The following AGBL1 variants were observed in gnomAD, a reference collection of about 807,000 sequenced individuals.
The protein encoded by AGBL1 is cytosolic carboxypeptidase 4.
In AGBL1, 130 loss-of-function variants were observed where a neutral mutation model predicts 118.9. That is an observed-to-expected ratio of 1.09 (90% CI 0.95 to 1.26). AGBL1 has a LOEUF of 1.26. Ranked by LOEUF, AGBL1 falls within the 50% of genes most tolerant of loss-of-function variation. AGBL1 has a pLI of 0.00. For synonymous variants in AGBL1, 555 were observed against 478.9 expected (o/e 1.16, Z -2.08); for missense variants, 1,584 against 1,298.1 (o/e 1.22, Z -3.38).
intron 18 of AGBL1, among the ~76,000 whole-genome samples, chr15:86,497,070 A>G (rs1642719223): frequency 6.6e-6 from 1 of 151,992 alleles, no homozygotes; most frequent in South Asian, 2.1e-4. Context: ...AGATGAGGAC[A>G]TTAGCAAAGC....
chr15:86,339,073 A>G (rs1279567164), intron 17 of AGBL1, among the ~76,000 whole-genome samples: 1 of 152,150 alleles, frequency 6.6e-6, no homozygotes, highest in Non-Finnish European at 1.5e-5. Flanking sequence ...AATATGGTAG[A>G]TAATACATTG....
intron 21 of AGBL1, among the ~76,000 whole-genome samples, chr15:86,673,712 T>A (rs2085786232): frequency 6.6e-6 from 1 of 152,196 alleles, no homozygotes. Flanking sequence ...TGAATTATAC[T>A]ATAGAGTACA....
At chr15:86,451,671 A>C (rs1342401126) in intron 18 of AGBL1, among the ~76,000 whole-genome samples, 1 of 152,130 alleles carries the variant, frequency 6.6e-6, no homozygotes, top group African/African-American at 2.4e-5. Context: ...AGAGCAGTTC[A>C]TGTCCCCTTT....
chr15:86,834,209 C>T (rs1196897396), intron 22 of AGBL1, among the ~76,000 whole-genome samples: 2 of 152,130 alleles, frequency 1.3e-5, no homozygotes, highest in Non-Finnish European at 2.9e-5. Flanking sequence ...CAAGTGTTTG[C>T]AGCAACCACG....
chr15:86,295,478 T>G (rs1404743128), intron 17 of AGBL1, 70 bp downstream of exon 17: 1 of 1,456,960 alleles, frequency 6.9e-7, no homozygotes, highest in Non-Finnish European at 9.2e-7. Flanking sequence ...GGAAGCATTC[T>G]GTCTCTTTTA....
intron 22 of AGBL1, among the ~76,000 whole-genome samples, chr15:86,749,346 T>G (rs2077810588): frequency 2.0e-5 from 3 of 152,180 alleles, no homozygotes; most frequent in Admixed American, 2.0e-4. Flanking sequence ...CTGGTGAGTT[T>G]TGCACATTGA....
intron 21 of AGBL1, among the ~76,000 whole-genome samples, chr15:86,650,226 C>T (rs996740543): frequency 2.0e-5 from 3 of 152,140 alleles, no homozygotes; most frequent in Non-Finnish European, 4.4e-5. Flanking sequence ...GGTACACGGC[C>T]ACCTGAAATG....
chr15:86,506,227 C>A (rs2082974659), intron 18 of AGBL1, among the ~76,000 whole-genome samples: 1 of 152,012 alleles, frequency 6.6e-6, no homozygotes, highest in African/African-American at 2.4e-5. Flanking sequence ...CTTTTTAGGT[C>A]TTTCCTGAGC....
intron 22 of AGBL1, among the ~76,000 whole-genome samples, chr15:86,816,679 A>C (rs866609866): frequency 1.2e-3 from 190 of 152,254 alleles, no homozygotes; most frequent in African/African-American, 4.5e-3. Flanking sequence ...TAAAAAAAAC[A>C]CAAAAACAAA....
At chr15:86,560,667 G>T (rs554594459) in intron 21 of AGBL1, among the ~76,000 whole-genome samples, 1 of 152,180 alleles carries the variant, frequency 6.6e-6, no homozygotes, top group Non-Finnish European at 1.5e-5. Flanking sequence ...TAATGGGATG[G>T]CTGAGTCAAA....
At chr15:86,131,506 CT>C (rs1555433164) in intron 1 of AGBL1, among the ~76,000 whole-genome samples, 3 of 151,994 alleles carry the variant, frequency 2.0e-5, no homozygotes, top group Non-Finnish European at 4.4e-5. Flanking sequence ...TTTATGTTTG[CT>C]TTTGAGTAAA....
At chr15:86,747,617 T>TTCCC (rs1392305092) in intron 22 of AGBL1, among the ~76,000 whole-genome samples, 3 of 152,044 alleles carry the variant, frequency 2.0e-5, no homozygotes, top group African/African-American at 7.2e-5. Flanking sequence ...TCCTAATGCT[T>TTCCC]TCCCTCCCTC....
At chr15:86,398,265 G>A (rs2081396615) in intron 18 of AGBL1, among the ~76,000 whole-genome samples, 2 of 152,116 alleles carry the variant, frequency 1.3e-5, no homozygotes, top group African/African-American at 4.8e-5. Context: ...GTGAGCTGAG[G>A]CCCAGACATC....
At position 86,613,263 on chromosome 15, in the gene AGBL1, C is replaced by T. The variant is rs190098786; in HGVS notation, c.2994+58726C>T. On this transcript the variant is annotated intron_variant, in intron 21 of 22. Transcript: ENST00000614907. This position sits in a 1 kb window ranked among gnomAD's most constrained non-coding sequence, Gnocchi z 4.2. ...AGCGAGAGGTTTGTTGGTTTTGGAA[C>T]GTAAGATCCCAAACCATTGGAGAAC... Among the ~76,000 whole-genome samples, 20 of 152,230 alleles carry T rather than the reference C, an allele frequency of 1.3e-4. No homozygotes were observed. Among genetic ancestry groups the T allele is most frequent in the African/African-American group, 3.9e-4 (16 of 41,546 alleles).
chr15:86,142,115 G>T, intron 2 of AGBL1, 48 bp downstream of exon 2: 1 of 1,537,178 alleles, frequency 6.5e-7, no homozygotes, highest in East Asian at 2.4e-5. Context: ...TGTGGAGCCT[G>T]CTGGCTGTGA....
At chr15:86,645,577 C>G (rs1596333569) in intron 21 of AGBL1, among the ~76,000 whole-genome samples, 1 of 152,118 alleles carries the variant, frequency 6.6e-6, no homozygotes, top group Non-Finnish European at 1.5e-5. Context: ...CTGACCATCT[C>G]CTGTGCACCT....
rs1229986440 is a variant in AGBL1, at chr15:86,410,863, AATATATAAT to A, written c.2555+13324_2555+13332del. ...ATATAATATACTATTTTATATATAA[AATATATAAT>A]ATATATTATAATATATATTATATAA... On this transcript the variant is annotated intron_variant, in intron 18 of 22. Coordinates refer to ENST00000614907, the MANE Select transcript of AGBL1 (RefSeq NM_001386094.1). 3.3e-3 allele frequency among the ~76,000 whole-genome samples: 225 copies of A among 68,762 alleles called. 7 individuals carry two copies. The highest frequency in any genetic ancestry group is 0.011 in the African/African-American group (214 of 19,918). 45.1% of individuals were successfully genotyped at this position (68,762 alleles called of 152,430 possible).
rs929548212 is a variant in AGBL1, at chr15:86,114,589, A to C, written c.52-27415A>C. On this transcript the variant is annotated intron_variant, in intron 1 of 22. Coordinates refer to ENST00000614907, the MANE Select transcript of AGBL1 (RefSeq NM_001386094.1). ...TTTCCAAGATTTTAACCTCTAAAAC[A>C]AAAAGAAGTTTGGGAGATTCCAGGA... Among the ~76,000 whole-genome samples the C allele has an allele frequency of 3.9e-5, 6 of 152,194 alleles. No individual in the cohort carries two copies. In the East Asian group the frequency reaches 1.2e-3, roughly 29 times the overall value.
chr15:86,574,639 G>A (rs144063381), intron 21 of AGBL1, among the ~76,000 whole-genome samples: 2,341 of 134,400 alleles, frequency 0.017, 38 homozygotes, highest in East Asian at 0.039. Flanking sequence ...GTGCGATGGT[G>A]TGATCTCGGC....
Sources: allele counts gnomAD v4.1 joint callset (sites outside exome capture counted in the v4.1 genomes callset), GRCh38; gene constraint gnomAD v4.1.1; non-coding constraint Gnocchi (gnomAD v3.1); transcripts MANE v1.5; gene names NCBI Gene and HGNC (gene_info 2026-07-23, HGNC 2026-07-21).